The following THRAP3 variants were observed in gnomAD, a reference collection of about 807,000 sequenced individuals.
THRAP3 encodes the protein thyroid hormone receptor associated protein 3.
In THRAP3, 16 loss-of-function variants were observed where a neutral mutation model predicts 101.0. The observed-to-expected ratio is 0.16, with a 90% CI of 0.11 to 0.24. The LOEUF (loss-of-function observed/expected upper bound fraction) is 0.24. Among genes scored for constraint, THRAP3 ranks in the 10% least tolerant of loss-of-function variants. THRAP3 has a pLI of 1.00. For missense variants in THRAP3, 989 were observed against 1,202.7 expected (o/e 0.82, Z 2.63); for synonymous variants, 407 against 422.6 (o/e 0.96, Z 0.45).
intron 3 of THRAP3, 146 bp downstream of exon 3, chr1:36,282,846 A>G: frequency 1.3e-6 from 1 of 787,682 alleles, no homozygotes; most frequent in Non-Finnish European, 2.0e-6. Context: ...AAGATATTCC[A>G]GGTCTCTTTA....
chr1:36,257,610 GTC>G (rs1337038660), intron 1 of THRAP3, among the ~76,000 whole-genome samples: 2 of 152,136 alleles, frequency 1.3e-5, no homozygotes, highest in African/African-American at 4.8e-5. Context: ...GGTTTCAGGT[GTC>G]TCTTCGCTGT....
intron 9 of THRAP3, among the ~76,000 whole-genome samples, chr1:36,299,926 G>A (rs1438832562): frequency 6.6e-6 from 1 of 152,158 alleles, no homozygotes. Context: ...GAATAAGTGT[G>A]TGTGGGTGAG....
chr1:36,224,022 G>C (rs1409583785), upstream of THRAP3, among the ~76,000 whole-genome samples: 2 of 152,194 alleles, frequency 1.3e-5, no homozygotes, highest in Non-Finnish European at 2.9e-5. Flanking sequence ...TCACAAAGCG[G>C]AAGGGAGCGC....
intron 2 of THRAP3, among the ~76,000 whole-genome samples, chr1:36,263,661 G>A (rs539867044): frequency 6.6e-6 from 1 of 152,242 alleles, no homozygotes; most frequent in African/African-American, 2.4e-5. Flanking sequence ...GAGCCTCTGG[G>A]GTGAATTGAA....
intron 1 of THRAP3, among the ~76,000 whole-genome samples, chr1:36,246,530 G>A (rs1399543151): frequency 9.2e-5 from 14 of 151,902 alleles, no homozygotes; most frequent in South Asian, 2.1e-4. Context: ...ACTGTGCCCA[G>A]CCTTTTTCTT....
chr1:36,217,925 G>A, the THRAP3 span, among the ~76,000 whole-genome samples: 1 of 152,114 alleles, frequency 6.6e-6, no homozygotes, highest in Non-Finnish European at 1.5e-5. Context: ...CGCTACAATG[G>A]CCTCTAACTG....
In THRAP3 at chr1:36,268,247, AT is replaced by A. The variant is rs112516397; in HGVS notation, c.-32+8774del. On this transcript the variant is annotated intron_variant, in intron 2 of 11. Coordinates refer to ENST00000354618, the MANE Select transcript of THRAP3 (RefSeq NM_005119.4). The stretch of plus-strand genomic sequence containing the variant: ...AGGTGACAGAAAAAAGGTCAGCATC[AT>A]TTTTTTTTTTCTGTGCAGTTTAGTA... 3.9e-3 allele frequency among the ~76,000 whole-genome samples: 574 copies of A among 146,570 alleles called. 2 individuals are homozygous for A. The highest frequency in any genetic ancestry group is 0.011 in the African/African-American group (427 of 40,218).
chr1:36,299,201 G>A (rs1557459573), intron 9 of THRAP3, among the ~76,000 whole-genome samples: 1 of 152,082 alleles, frequency 6.6e-6, no homozygotes, highest in East Asian at 2.0e-4. Context: ...AGCACTTTGG[G>A]AGGCTGAGGT....
At chr1:36,262,058 T>G (rs758287083) in intron 2 of THRAP3, among the ~76,000 whole-genome samples, 1 of 152,184 alleles carries the variant, frequency 6.6e-6, no homozygotes, top group Non-Finnish European at 1.5e-5. Flanking sequence ...CACATGTCAT[T>G]TAATACATTT....
rs555430325 is a variant in THRAP3, at chr1:36,270,535, C to T, written c.-32+11051C>T. Among the ~76,000 whole-genome samples, 21 of 150,454 alleles carry T rather than the reference C, an allele frequency of 1.4e-4. 1 individual carries two copies. In the South Asian group the frequency reaches 4.2e-3, roughly 30 times the overall value. ...AGAAGATTTCCAAAATGGACATGGA[C>T]TCTAAATAATTAAAAATACAGTTCT... is the stretch of plus-strand genomic sequence containing the variant. On this transcript the variant is annotated intron_variant, in intron 2 of 11. Transcript: ENST00000354618.
At chr1:36,276,583 A>G (rs954375590) in intron 2 of THRAP3, among the ~76,000 whole-genome samples, 1 of 145,634 alleles carries the variant, frequency 6.9e-6, no homozygotes, top group African/African-American at 2.5e-5. Flanking sequence ...AAAGCTGGGC[A>G]TGGAGGCTCA....
At position 36,260,678 on chromosome 1, in the gene THRAP3, C is replaced by T. The variant is rs11805276; in HGVS notation, c.-32+1194C>T. On this transcript the variant is annotated intron_variant, in intron 2 of 11. Coordinates refer to ENST00000354618, the MANE Select transcript of THRAP3 (RefSeq NM_005119.4). Reference sequence around the variant, plus strand: ...TCTACTAAAAATACAAAAAATTAGCCGGGCGTGGTGGTGGGCGCCTGTAGT... The same window carrying T: ...TCTACTAAAAATACAAAAAATTAGCTGGGCGTGGTGGTGGGCGCCTGTAGT... 3.2e-3 allele frequency among the ~76,000 whole-genome samples: 491 copies of T among 152,046 alleles called. 3 individuals carry two copies. Among genetic ancestry groups the T allele is most frequent in the African/African-American group, 0.011 (468 of 41,480 alleles).
chr1:36,248,328 TG>T (rs1459458954), intron 1 of THRAP3, among the ~76,000 whole-genome samples: 1 of 152,130 alleles, frequency 6.6e-6, no homozygotes, highest in African/African-American at 2.4e-5. Context: ...ATTGTAGAGA[TG>T]GGGGTCTTGG....
intron 11 of THRAP3, among the ~76,000 whole-genome samples, chr1:36,303,246 G>A (rs1035702575): frequency 2.6e-5 from 4 of 151,118 alleles, no homozygotes; most frequent in African/African-American, 9.7e-5. Flanking sequence ...TTACAGGCAT[G>A]AGCCACTGCA....
At chr1:36,213,993 GAAAGGAAA>G in the THRAP3 span, among the ~76,000 whole-genome samples, 743 of 83,698 alleles carry the variant, frequency 8.9e-3, 3 homozygotes, top group East Asian at 0.025. Flanking sequence ...AAGAAAGAAA[GAAAGGAAA>G]GAAAGAAAGA....
chr1:36,259,895 T>C (rs980150716), intron 2 of THRAP3, among the ~76,000 whole-genome samples: 3 of 152,240 alleles, frequency 2.0e-5, no homozygotes, highest in Non-Finnish European at 4.4e-5. Flanking sequence ...TCATTAATAT[T>C]TTGGGAAGCA....
At chr1:36,229,339 G>T (rs1307740601) in intron 1 of THRAP3, among the ~76,000 whole-genome samples, 1 of 150,432 alleles carries the variant, frequency 6.6e-6, no homozygotes, top group African/African-American at 2.4e-5. Context: ...CTCGTGATCT[G>T]CCCGCCTCAG....
At chr1:36,214,013 A>AG in the THRAP3 span, among the ~76,000 whole-genome samples, 85 of 91,338 alleles carry the variant, frequency 9.3e-4, no homozygotes, top group Admixed American at 4.6e-3. Flanking sequence ...AAAGAAAGAA[A>AG]GAAAGAAAGA....
intron 1 of THRAP3, among the ~76,000 whole-genome samples, chr1:36,254,788 A>T (rs991516127): frequency 6.6e-5 from 10 of 152,070 alleles, no homozygotes; most frequent in African/African-American, 2.2e-4. Flanking sequence ...TTTTTTTGAT[A>T]AAAAAAAATT....
Sources: allele counts gnomAD v4.1 joint callset (sites outside exome capture counted in the v4.1 genomes callset), GRCh38; gene constraint gnomAD v4.1.1; transcripts MANE v1.5; gene names NCBI Gene and HGNC (gene_info 2026-07-23, HGNC 2026-07-21).